The following GSE1 variants were observed in gnomAD, a reference collection of about 807,000 sequenced individuals.
GSE1 encodes the protein genetic suppressor element 1.
In GSE1, 32 loss-of-function variants were observed where a neutral mutation model predicts 112.6. The ratio of observed to expected loss-of-function variants is 0.28; its 90% confidence interval spans 0.21 to 0.38. The LOEUF is 0.38. GSE1 is among the 10% of genes least tolerant of loss of function. The pLI is 1.00. For synonymous variants in GSE1, 1,115 were observed against 735.6 expected (o/e 1.52, Z -8.35); for missense variants, 2,348 against 1,699.2 (o/e 1.38, Z -6.71).
chr16:85,667,194 C>CT (rs2052935370), intron 13 of GSE1, among the ~76,000 whole-genome samples: 2 of 152,380 alleles, frequency 1.3e-5, no homozygotes, highest in Admixed American at 1.3e-4. Flanking sequence ...GGCAGTGCAC[C>CT]TTGTAGAGGC....
At chr16:85,354,521 G>A (rs1056153434) in intron 1 of GSE1, among the ~76,000 whole-genome samples, 1 of 152,232 alleles carries the variant, frequency 6.6e-6, no homozygotes, top group African/African-American at 2.4e-5. Context: ...TATACTCACA[G>A]TCCCGCTTCC....
At chr16:85,442,832 C>T (rs1362758684) in intron 2 of GSE1, among the ~76,000 whole-genome samples, 2 of 152,266 alleles carry the variant, frequency 1.3e-5, no homozygotes, top group East Asian at 1.9e-4. Context: ...TTCCAGAGGC[C>T]GGAAGTCCGA....
chr16:85,331,997 C>T (rs1409387142), intron 1 of GSE1, among the ~76,000 whole-genome samples: 1 of 152,104 alleles, frequency 6.6e-6, no homozygotes, highest in African/African-American at 2.4e-5. Flanking sequence ...GGCAATTCTG[C>T]ATCCAGAGGG....
intron 2 of GSE1, among the ~76,000 whole-genome samples, chr16:85,367,691 C>T (rs1039218460): frequency 3.9e-5 from 6 of 152,172 alleles, no homozygotes; most frequent in Non-Finnish European, 5.9e-5. Flanking sequence ...AGGCGGGGAC[C>T]GTGGCTCCCT....
At chr16:85,300,384 C>T (rs956111958) in intron 1 of GSE1, among the ~76,000 whole-genome samples, 5 of 152,190 alleles carry the variant, frequency 3.3e-5, no homozygotes, top group African/African-American at 1.2e-4. Flanking sequence ...CTGTCACCGC[C>T]GTCTAGTTCC....
intron 2 of GSE1, among the ~76,000 whole-genome samples, chr16:85,454,925 C>T (rs776213716): frequency 5.9e-5 from 9 of 152,162 alleles, no homozygotes; most frequent in Non-Finnish European, 1.3e-4. Context: ...CAAATAAGGT[C>T]GCCTGCCCAG....
At chr16:85,188,267 A>AACGT (rs2074749222) in intron 1 of GSE1, among the ~76,000 whole-genome samples, 1 of 126,686 alleles carries the variant, frequency 7.9e-6, no homozygotes, top group South Asian at 2.7e-4. Flanking sequence ...CTGCTGCCTG[A>AACGT]CCGTCTGTCT....
intron 2 of GSE1, among the ~76,000 whole-genome samples, chr16:85,484,873 T>C (rs1440022808): frequency 6.6e-6 from 1 of 152,228 alleles, no homozygotes; most frequent in Non-Finnish European, 1.5e-5. Context: ...GTCTTTGGCC[T>C]CCACTGTGAT....
intron 1 of GSE1, among the ~76,000 whole-genome samples, chr16:85,584,743 A>G (rs2046609595): frequency 6.6e-6 from 1 of 152,198 alleles, no homozygotes; most frequent in Non-Finnish European, 1.5e-5. Context: ...TTTCAAATCA[A>G]ATTTTATCCT....
At chr16:85,474,089 T>G (rs557476854) in intron 2 of GSE1, among the ~76,000 whole-genome samples, 19 of 152,204 alleles carry the variant, frequency 1.2e-4, no homozygotes, top group African/African-American at 3.1e-4. Flanking sequence ...GGTCCTCTGC[T>G]GCCACATGGA....
intron 13 of GSE1, 61 bp downstream of exon 13, chr16:85,666,408 T>C: frequency 1.9e-6 from 3 of 1,572,356 alleles, no homozygotes; most frequent in Non-Finnish European, 2.6e-6. Flanking sequence ...CCAAAGTTGC[T>C]GAGCGCCACA....
chr16:85,636,762 GC>G (rs530620433), intron 2 of GSE1, among the ~76,000 whole-genome samples: 1 of 152,166 alleles, frequency 6.6e-6, no homozygotes, highest in Non-Finnish European at 1.5e-5. Flanking sequence ...TGGAAAGGAA[GC>G]CCCCCTCACC....
chr16:85,485,655 A>G (rs1178049822), intron 2 of GSE1, among the ~76,000 whole-genome samples: 2 of 152,238 alleles, frequency 1.3e-5, no homozygotes, highest in African/African-American at 4.8e-5. Context: ...AGCCGTGCGC[A>G]GCCCGCCGGG....
At chr16:85,542,065 T>G (rs2044538356) in intron 2 of GSE1, among the ~76,000 whole-genome samples, 1 of 152,026 alleles carries the variant, frequency 6.6e-6, no homozygotes, top group Admixed American at 6.6e-5. Context: ...GCCTCTGCCT[T>G]CAGCTGCCCT....
chr16:85,658,050 TGTATTAATAG>T (rs1395713367), intron 8 of GSE1, among the ~76,000 whole-genome samples: 1 of 152,266 alleles, frequency 6.6e-6, no homozygotes, highest in Non-Finnish European at 1.5e-5. Context: ...TTATTGCTTT[TGTATTAATAG>T]TAAAAACACA....
At chr16:85,636,697 G>C (rs990949207) in intron 2 of GSE1, among the ~76,000 whole-genome samples, 2 of 149,952 alleles carry the variant, frequency 1.3e-5, no homozygotes, top group African/African-American at 4.9e-5. Flanking sequence ...CCGGGGGGGG[G>C]CTGGGAGAGC....
At chr16:85,443,576 A>T (rs1461634646) in intron 2 of GSE1, among the ~76,000 whole-genome samples, 1 of 151,756 alleles carries the variant, frequency 6.6e-6, no homozygotes, top group African/African-American at 2.4e-5. Context: ...TTAATACAAA[A>T]AGTAAAAACT....
intron 11 of GSE1, chr16:85,664,399 A>G (rs1439647870): frequency 6.6e-6 from 1 of 152,316 alleles, no homozygotes; most frequent in African/African-American, 2.4e-5. Flanking sequence ...TTAACCAGTC[A>G]GTAGTTTTCC....
intron 1 of GSE1, among the ~76,000 whole-genome samples, chr16:85,312,914 C>A (rs989262185): frequency 6.6e-6 from 1 of 152,152 alleles, no homozygotes; most frequent in Non-Finnish European, 1.5e-5. Flanking sequence ...TGAATGGCCT[C>A]CTGGGCAGGT....
Sources: allele counts gnomAD v4.1 joint callset (sites outside exome capture counted in the v4.1 genomes callset), GRCh38; gene constraint gnomAD v4.1.1; transcripts MANE v1.5; gene names NCBI Gene and HGNC (gene_info 2026-07-23, HGNC 2026-07-21).